Variants in SLC16A7 observed in about 807,000 individuals in gnomAD.
The protein encoded by SLC16A7 is monocarboxylate transporter 2.
In SLC16A7, 33 loss-of-function variants were observed where a neutral mutation model predicts 34.9. That is an observed-to-expected ratio of 0.94 (90% CI 0.72 to 1.26). The LOEUF is 1.26. SLC16A7 is among the 50% of genes most tolerant of loss of function. SLC16A7 has a pLI of 0.00. For synonymous variants in SLC16A7, 201 were observed against 206.6 expected, an observed-to-expected ratio of 0.97 and a Z score of 0.23; for missense variants, 573 against 578.1, an observed-to-expected ratio of 0.99 and a Z score of 0.09.
chr12:59,751,948 C>T (rs12824305), intron 3 of SLC16A7, among the ~76,000 whole-genome samples: 11,630 of 152,160 alleles, frequency 0.076, 535 homozygotes, highest in South Asian at 0.17. Flanking sequence ...TAGCGGTTCA[C>T]GAAAATCCGC....
At chr12:59,777,640 C>A (rs1461258630) in intron 5 of SLC16A7, among the ~76,000 whole-genome samples, 3 of 149,998 alleles carry the variant, frequency 2.0e-5, no homozygotes, top group Admixed American at 6.7e-5. Context: ...TAAAATATTT[C>A]TTTTATTATT....
chr12:59,724,079 C>T (rs1475038136), intron 3 of SLC16A7, among the ~76,000 whole-genome samples: 2 of 152,042 alleles, frequency 1.3e-5, no homozygotes, highest in African/African-American at 2.4e-5. Flanking sequence ...TTAGATACCT[C>T]ACCAGCTCCA....
intron 3 of SLC16A7, among the ~76,000 whole-genome samples, chr12:59,760,111 C>T (rs1020450436): frequency 1.3e-5 from 2 of 151,988 alleles, no homozygotes; most frequent in African/African-American, 4.8e-5. Flanking sequence ...CAAAACAATT[C>T]AAACTCGGCC....
At chr12:59,656,836 A>C (rs1868561443) in intron 2 of SLC16A7, among the ~76,000 whole-genome samples, 1 of 151,992 alleles carries the variant, frequency 6.6e-6, no homozygotes, top group Admixed American at 6.6e-5. Context: ...CCTTTTAGAT[A>C]CATAGTTTAC....
intron 3 of SLC16A7, among the ~76,000 whole-genome samples, chr12:59,728,958 G>T (rs1162669668): frequency 1.3e-5 from 2 of 152,090 alleles, no homozygotes; most frequent in Non-Finnish European, 2.9e-5. Flanking sequence ...CTAGATACTT[G>T]TCTGAGATGA....
intron 1 of SLC16A7, among the ~76,000 whole-genome samples, chr12:59,618,042 GTTTT>G (rs919026844): frequency 6.6e-6 from 1 of 150,822 alleles, no homozygotes; most frequent in Admixed American, 6.6e-5. Flanking sequence ...GTATCCTTGA[GTTTT>G]TTTTTCCTCA....
rs1882634333 is a variant in SLC16A7 at position 59,775,202 on chromosome 12, A to G, written c.907A>G (p.Ile303Val). Residue 303 changes from isoleucine (I) to valine (V), a missense_variant, in exon 5 of 6, where the codon ATT becomes GTT. Physicochemically the swap from Ile to Val is conservative, Grantham distance 29. Transcript: ENST00000547379. ...DMFARPSVGL[I>V]ANSKYIRPRI... Reference sequence around the variant, plus strand: ...GTTTGCTAGGCCTTCTGTAGGATTAATTGCAAACTCCAAATATATTCGACC... The same window carrying G: ...GTTTGCTAGGCCTTCTGTAGGATTAGTTGCAAACTCCAAATATATTCGACC... The G allele has an allele frequency of 6.2e-7, 1 of 1,614,154 alleles. No individual in the cohort carries two copies. The highest frequency in any genetic ancestry group is 8.5e-7 in the Non-Finnish European group (1 of 1,180,020).
chr12:59,660,789 A>G (rs879787375), intron 2 of SLC16A7, among the ~76,000 whole-genome samples: 3 of 152,136 alleles, frequency 2.0e-5, no homozygotes, highest in Non-Finnish European at 2.9e-5. Flanking sequence ...TTTATTTAAG[A>G]TGTAAATTTG....
intron 2 of SLC16A7, among the ~76,000 whole-genome samples, chr12:59,675,837 C>T (rs1022139754): frequency 2.0e-5 from 3 of 152,058 alleles, no homozygotes; most frequent in East Asian, 3.9e-4. Context: ...TTCCACTTTC[C>T]ACATCATGCA....
In SLC16A7 at chr12:59,775,355, G is replaced by T; in HGVS notation, c.1060G>T (p.Val354Phe). The stretch of plus-strand genomic sequence containing the variant: ...ATTTTTTGGCCTTGGATTTGGGAGT[G>T]TTAGCAGTGTTCTCTTTGAAACTCT... ...AVFFGLGFGS[V>F]SSVLFETLMD... Residue 354 changes from valine to phenylalanine, a missense_variant, in exon 5 of 6, where the codon GTT becomes TTT. By Grantham distance (50) the Val-to-Phe change is conservative. Transcript: ENST00000547379. The T allele has an allele frequency of 6.2e-7, 1 of 1,614,090 alleles. No individual in the cohort carries two copies. Among genetic ancestry groups the T allele is most frequent in the Non-Finnish European group, 8.5e-7 (1 of 1,179,962 alleles).
intron 1 of SLC16A7, among the ~76,000 whole-genome samples, chr12:59,616,739 A>C (rs1456177075): frequency 6.6e-6 from 1 of 152,186 alleles, no homozygotes. Context: ...CATGGAAATT[A>C]AAGGAATTTT....
rs1883190418 is a variant in SLC16A7, at chr12:59,780,773, T to C, written c.*1094T>C. 6.6e-6 allele frequency: 1 copy of C among 152,280 alleles called. No homozygotes were observed. Among genetic ancestry groups the C allele is most frequent in the East Asian group, 1.9e-4 (1 of 5,178 alleles). The allele number at this position is 152,280 out of a possible 1,614,324, so 9.4% of individuals were successfully genotyped here. A position where few individuals can be genotyped will look rare whatever the true frequency, so the allele number is the denominator to read the frequency against. Reference sequence around the variant, plus strand: ...AGGTTACTGTTATGAATACTCCATCTGACTACGACTAAGAGAGTGAGGGGT... The same window carrying C: ...AGGTTACTGTTATGAATACTCCATCCGACTACGACTAAGAGAGTGAGGGGT... On this transcript the variant is annotated 3_prime_UTR_variant, in exon 6 of 6. Coordinates refer to ENST00000547379, the MANE Select transcript of SLC16A7 (RefSeq NM_001270623.2).
At chr12:59,774,307 T>A (rs1034209495) in intron 4 of SLC16A7, among the ~76,000 whole-genome samples, 3 of 152,168 alleles carry the variant, frequency 2.0e-5, no homozygotes, top group African/African-American at 7.2e-5. Flanking sequence ...TAAGTATATG[T>A]CAAGAGGAAA....
chr12:59,628,184 A>G (rs1026719329), intron 1 of SLC16A7, among the ~76,000 whole-genome samples: 8 of 151,814 alleles, frequency 5.3e-5, no homozygotes, highest in African/African-American at 1.9e-4. Flanking sequence ...CAGTTTTACT[A>G]AAAGACAAAT....
At chr12:59,725,636 A>G (rs1027868930) in intron 3 of SLC16A7, among the ~76,000 whole-genome samples, 6 of 152,278 alleles carry the variant, frequency 3.9e-5, no homozygotes, top group Admixed American at 2.6e-4. Flanking sequence ...AAACTATGCT[A>G]AAGAAAATGT....
intron 1 of SLC16A7, among the ~76,000 whole-genome samples, chr12:59,600,118 G>A (rs1878615533): frequency 1.3e-5 from 2 of 152,206 alleles, no homozygotes; most frequent in South Asian, 2.1e-4. Flanking sequence ...TTGTATATTG[G>A]TTGTAAACAT....
chr12:59,757,308 C>T (rs140129412), intron 3 of SLC16A7, among the ~76,000 whole-genome samples: 8 of 151,916 alleles, frequency 5.3e-5, no homozygotes, highest in African/African-American at 9.7e-5. Flanking sequence ...ATGTAGGTGA[C>T]GGGTTGATGG....
chr12:59,694,059 A>AT (rs1871985533), intron 2 of SLC16A7, among the ~76,000 whole-genome samples: 1 of 151,942 alleles, frequency 6.6e-6, no homozygotes, highest in South Asian at 2.1e-4. Context: ...AACATTGTTT[A>AT]TTTTTATGCA....
intron 2 of SLC16A7, among the ~76,000 whole-genome samples, chr12:59,661,550 C>T (rs935173422): frequency 6.6e-6 from 1 of 152,036 alleles, no homozygotes; most frequent in Non-Finnish European, 1.5e-5. Flanking sequence ...AACATGTTTC[C>T]TCTATTGGCT....
Sources: gnomAD v4.1 joint callset for allele counts (sites outside exome capture counted in the v4.1 genomes callset) on GRCh38, gnomAD v4.1.1 for gene constraint, MANE v1.5 for transcripts, NCBI Gene and HGNC (gene_info 2026-07-23, HGNC 2026-07-21) for gene names.